TENM2: variants seen among roughly 807,000 people sequenced by gnomAD.
TENM2 encodes the protein teneurin-2.
A neutral mutation model predicts 245.2 loss-of-function variants in TENM2; 52 were observed. The observed-to-expected ratio is 0.21, with a 90% confidence interval of 0.17 to 0.27. The LOEUF is 0.27. TENM2 is among the 10% of genes least tolerant of loss of function. The pLI, the probability that TENM2 is intolerant of heterozygous loss-of-function variation, is 1.00. For synonymous variants in TENM2, 1,363 were observed against 1,438.9 expected (o/e 0.95, Z 1.19); for missense variants, 3,046 against 3,666.8 (o/e 0.83, Z 4.37).
At chr5:166,987,286 G>A in the TENM2 span, among the ~76,000 whole-genome samples, 1 of 152,196 alleles carries the variant, frequency 6.6e-6, no homozygotes, top group Admixed American at 6.5e-5. Flanking sequence ...ACACAGAATC[G>A]TACACAGTTT....
intron 1 of TENM2, among the ~76,000 whole-genome samples, chr5:167,314,032 TTA>T (rs1756203170): frequency 6.6e-6 from 1 of 151,996 alleles, no homozygotes; most frequent in Non-Finnish European, 1.5e-5. Flanking sequence ...TACAAAAGGG[TTA>T]TGTTTATAAA....
the TENM2 span, among the ~76,000 whole-genome samples, chr5:167,016,378 A>G: frequency 5.3e-5 from 8 of 151,448 alleles, no homozygotes; most frequent in African/African-American, 1.9e-4. Flanking sequence ...CACTAATTCC[A>G]TTTATCATGC....
At chr5:168,126,999 T>A in intron 12 of TENM2, 33 bp downstream of exon 14, 7 of 1,546,610 alleles carry the variant, frequency 4.5e-6, no homozygotes, top group Non-Finnish European at 6.1e-6. Flanking sequence ...AAATTGTAGA[T>A]CTATAGTGAT....
intron 2 of TENM2, among the ~76,000 whole-genome samples, chr5:167,835,352 T>G (rs1342932575): frequency 6.6e-6 from 1 of 152,216 alleles, no homozygotes. Context: ...CAGCAAAGAT[T>G]TCCTGATTGG....
At chr5:168,251,421 T>C (rs1294021766) in intron 27 of TENM2, among the ~76,000 whole-genome samples, 1 of 152,098 alleles carries the variant, frequency 6.6e-6, no homozygotes, top group East Asian at 1.9e-4. Flanking sequence ...CGAAATTGAA[T>C]CCAGAAACCA....
At chr5:167,740,806 A>G (rs1761128676) in intron 2 of TENM2, among the ~76,000 whole-genome samples, 1 of 151,920 alleles carries the variant, frequency 6.6e-6, no homozygotes, top group South Asian at 2.1e-4. Flanking sequence ...TATATTCCTA[A>G]CCTCATTTTC....
rs1042997145 is a variant in TENM2 at position 167,350,610 on chromosome 5, A to G, written c.227-24588A>G. On this transcript the variant is annotated intron_variant, in intron 1 of 28. Coordinates refer to ENST00000518659, the Ensembl canonical transcript of TENM2. ...GATATATATATATGGATATATATAT[A>G]TGGGATACATATGTGGATATATATA... is the stretch of plus-strand genomic sequence containing the variant. Among the ~76,000 whole-genome samples, 4 of 141,102 alleles carry G rather than the reference A, an allele frequency of 2.8e-5. No individual in the cohort carries two copies. The East Asian group carries it at 6.1e-4, about 21-fold the overall frequency. The allele number at this position is 141,102 out of a possible 152,430, so 92.6% of individuals were successfully genotyped here. A position where few individuals can be genotyped will look rare whatever the true frequency, so the allele number is the denominator to read the frequency against.
chr5:167,631,542 GC>G (rs1778874139), intron 2 of TENM2, among the ~76,000 whole-genome samples: 1 of 152,060 alleles, frequency 6.6e-6, no homozygotes, highest in African/African-American at 2.4e-5. Context: ...AGTCGTGCAG[GC>G]CTTAGCATGG....
At chr5:167,947,063 C>T (rs1779684438) in intron 3 of TENM2, among the ~76,000 whole-genome samples, 1 of 152,136 alleles carries the variant, frequency 6.6e-6, no homozygotes, top group Non-Finnish European at 1.5e-5. Context: ...ACTCTGCCCT[C>T]CTGCTGGCCA....
chr5:168,246,493 A>C (rs565948274), intron 26 of TENM2, among the ~76,000 whole-genome samples: 1 of 152,294 alleles, frequency 6.6e-6, no homozygotes, highest in East Asian at 1.9e-4. Flanking sequence ...CCCACCCCAG[A>C]TCTACCAAAT....
intron 2 of TENM2, among the ~76,000 whole-genome samples, chr5:167,514,326 A>G (rs1391884314): frequency 4.6e-5 from 7 of 152,126 alleles, no homozygotes; most frequent in African/African-American, 1.7e-4. Flanking sequence ...TCACCTTCCT[A>G]GAATTGTCAG....
chr5:167,095,103 C>T, the TENM2 span, among the ~76,000 whole-genome samples: 1 of 152,078 alleles, frequency 6.6e-6, no homozygotes, highest in Non-Finnish European at 1.5e-5. Context: ...TTGAGCTGGA[C>T]CCTGTGGAAA....
At chr5:167,429,607 CTTTTTTT>C (rs10587909) in intron 2 of TENM2, among the ~76,000 whole-genome samples, 7 of 78,708 alleles carry the variant, frequency 8.9e-5, no homozygotes, top group East Asian at 5.9e-4. Flanking sequence ...CTCTCTCTCT[CTTTTTTT>C]TTTTTTTTTT....
chr5:167,503,634 C>T (rs1313065486), intron 2 of TENM2, among the ~76,000 whole-genome samples: 2 of 152,100 alleles, frequency 1.3e-5, no homozygotes, highest in South Asian at 2.1e-4. Context: ...TGGCTCATGC[C>T]TGTAATCCCA....
chr5:167,446,425 CCTT>C (rs1765211008), intron 2 of TENM2, among the ~76,000 whole-genome samples: 1 of 152,110 alleles, frequency 6.6e-6, no homozygotes, highest in Admixed American at 6.5e-5. Context: ...TTAAATCACT[CCTT>C]CATCTAGTTT....
At chr5:167,602,006 A>G (rs1776668732) in intron 2 of TENM2, among the ~76,000 whole-genome samples, 1 of 137,644 alleles carries the variant, frequency 7.3e-6, no homozygotes, top group South Asian at 2.4e-4. Context: ...GGGGAAGAAG[A>G]TAGGGTATTA....
chr5:168,232,106 T>TGGA (rs1032980756), intron 25 of TENM2, among the ~76,000 whole-genome samples: 76 of 152,198 alleles, frequency 5.0e-4, no homozygotes, highest in African/African-American at 1.6e-3. Flanking sequence ...TCCTCAGGTA[T>TGGA]GGAGGAAGAC....
chr5:167,872,424 CAGAA>C lies in TENM2; in HGVS notation c.503-3555_503-3552del, dbSNP rs904848627. Among the ~76,000 whole-genome samples, 43 of 140,140 alleles carry C rather than the reference CAGAA, an allele frequency of 3.1e-4. 1 individual carries two copies. The highest frequency in any genetic ancestry group is 8.4e-4 in the African/African-American group (31 of 37,102). 91.9% of individuals were successfully genotyped at this position (140,140 alleles called of 152,430 possible). A position where few individuals can be genotyped will look rare whatever the true frequency, so the allele number is the denominator to read the frequency against. On this transcript the variant is annotated intron_variant, in intron 2 of 28. Coordinates refer to ENST00000518659, the Ensembl canonical transcript of TENM2. Reference sequence around the variant, plus strand: ...GAAGAAAAAAAGAGAAAGAGAGAGACAGAAAGAAAGCAAACAAGCACGAAAGAAA... The same window carrying C: ...GAAGAAAAAAAGAGAAAGAGAGAGACAGAAAGCAAACAAGCACGAAAGAAA...
chr5:167,001,194 G>A, the TENM2 span, among the ~76,000 whole-genome samples: 162 of 152,202 alleles, frequency 1.1e-3, no homozygotes, highest in East Asian at 4.4e-3. Context: ...GTGTACATTG[G>A]CAATGGAAAA....
Sources: allele counts gnomAD v4.1 joint callset (sites outside exome capture counted in the v4.1 genomes callset), GRCh38; gene constraint gnomAD v4.1.1; transcripts MANE v1.5; gene names NCBI Gene and HGNC (gene_info 2026-07-23, HGNC 2026-07-21).